The following NAALADL2 variants were observed in gnomAD, a reference collection of about 807,000 sequenced individuals.
The protein encoded by NAALADL2 is N-acetylated alpha-linked acidic dipeptidase like 2, also known as inactive N-acetylated-alpha-linked acidic dipeptidase-like protein 2.
In NAALADL2, 76 loss-of-function variants were observed where a neutral mutation model predicts 87.2. That is an observed-to-expected ratio of 0.87 (90% CI 0.72 to 1.05). NAALADL2 has a LOEUF of 1.05. Among genes scored for constraint, NAALADL2 ranks in the 50% least tolerant of loss-of-function variants. The pLI, the probability that NAALADL2 is intolerant of heterozygous loss-of-function variation, is 0.00. For synonymous variants in NAALADL2, 354 were observed against 331.0 expected, an observed-to-expected ratio of 1.07 and a Z score of -0.75; for missense variants, 1,089 against 945.8, an observed-to-expected ratio of 1.15 and a Z score of -1.99.
chr3:175,047,364 T>G (rs1033956532), intron 1 of NAALADL2, among the ~76,000 whole-genome samples: 1 of 152,200 alleles, frequency 6.6e-6, no homozygotes, highest in Non-Finnish European at 1.5e-5. Context: ...GGTTTTTGTT[T>G]AATCATGGAC....
chr3:174,871,018 T>C (rs1029410861), intron 1 of NAALADL2, among the ~76,000 whole-genome samples: 2 of 152,156 alleles, frequency 1.3e-5, no homozygotes, highest in Admixed American at 1.3e-4. Context: ...TTATTGAAGG[T>C]GATAAAGCTC....
At chr3:174,493,343 T>G (rs944647465) in intron 1 of NAALADL2, among the ~76,000 whole-genome samples, 2 of 152,150 alleles carry the variant, frequency 1.3e-5, no homozygotes, top group African/African-American at 2.4e-5. Context: ...ATAGGCATGA[T>G]TATATAAAGA....
Position 175,624,769 on chromosome 3 carries a change from A to G in NAALADL2, c.1801-2522A>G, listed in dbSNP as rs148349201. Among the ~76,000 whole-genome samples the G allele has an allele frequency of 3.7e-3, 565 of 152,148 alleles. 4 individuals are homozygous for G. Among genetic ancestry groups the G allele is most frequent in the African/African-American group, 0.013 (522 of 41,544 alleles). Reference sequence around the variant, plus strand: ...TCAAATGGATGTATTTTATTGGCATATAAGAACTTTAAGACTGAAAACATA... The same window carrying G: ...TCAAATGGATGTATTTTATTGGCATGTAAGAACTTTAAGACTGAAAACATA... On this transcript the variant is annotated intron_variant, in intron 10 of 13. Coordinates refer to ENST00000454872, the MANE Select transcript of NAALADL2 (RefSeq NM_207015.3).
intron 3 of NAALADL2, among the ~76,000 whole-genome samples, chr3:174,745,022 A>G (rs1734115226): frequency 6.6e-6 from 1 of 152,132 alleles, no homozygotes; most frequent in Admixed American, 6.6e-5. Context: ...CCATCCTAAC[A>G]TCACAACTAA....
At chr3:174,983,800 T>C (rs961897025) in intron 1 of NAALADL2, among the ~76,000 whole-genome samples, 4 of 152,178 alleles carry the variant, frequency 2.6e-5, no homozygotes, top group Non-Finnish European at 5.9e-5. Context: ...GCAATTGACT[T>C]GCATGTGAAA....
At chr3:175,581,116 T>C (rs1483314916) in intron 10 of NAALADL2, 3 of 369,052 alleles carry the variant, frequency 8.1e-6, no homozygotes, top group East Asian at 8.7e-5. Flanking sequence ...AGAAGAGTGA[T>C]GTTATCTTAC....
intron 1 of NAALADL2, among the ~76,000 whole-genome samples, chr3:175,024,200 G>T (rs1751929682): frequency 6.6e-6 from 1 of 151,922 alleles, no homozygotes; most frequent in Non-Finnish European, 1.5e-5. Flanking sequence ...TTATATTTAT[G>T]TAATTATGTA....
intron 9 of NAALADL2, among the ~76,000 whole-genome samples, chr3:175,567,012 G>T: frequency 6.6e-6 from 1 of 152,088 alleles, no homozygotes; most frequent in East Asian, 1.9e-4. Flanking sequence ...ACAATTTTAT[G>T]ATTTAGATTT....
chr3:174,861,283 G>A (rs1413802739), intron 1 of NAALADL2, among the ~76,000 whole-genome samples: 1 of 151,898 alleles, frequency 6.6e-6, no homozygotes, highest in Admixed American at 6.6e-5. Flanking sequence ...ATCAAGTGAG[G>A]GTTAAAAAGA....
At chr3:175,718,605 C>T (rs561596306) in intron 11 of NAALADL2, 33 of 1,594,064 alleles carry the variant, frequency 2.1e-5, no homozygotes, top group South Asian at 7.7e-5. Flanking sequence ...TGGCCTTCTT[C>T]GAGTTTTTCC....
intron 9 of NAALADL2, among the ~76,000 whole-genome samples, chr3:175,546,314 C>G (rs7642580): frequency 0.66 from 100,937 of 151,942 alleles, 34,171 homozygotes; most frequent in East Asian, 0.87. Context: ...CTTGAAGACA[C>G]CATACCAATG....
chr3:175,517,480 C>CAT (rs1732013120), intron 9 of NAALADL2, among the ~76,000 whole-genome samples: 1 of 152,052 alleles, frequency 6.6e-6, no homozygotes, highest in Non-Finnish European at 1.5e-5. Flanking sequence ...ATTTTTGACA[C>CAT]ATATCAATGC....
At chr3:175,257,342 A>G (rs1179591788) in intron 4 of NAALADL2, 1 of 151,474 alleles carries the variant, frequency 6.6e-6, no homozygotes, top group Admixed American at 6.6e-5. Flanking sequence ...GGCACACTCT[A>G]TTAGGAAACT....
At position 175,016,335 on chromosome 3, in the gene NAALADL2, G is replaced by T. The variant is rs577069086; in HGVS notation, c.44-80455G>T. Among the ~76,000 whole-genome samples, 3 of 149,726 alleles carry T rather than the reference G, an allele frequency of 2.0e-5. No individual in the cohort carries two copies. The South Asian group carries it at 6.3e-4, about 31-fold the overall frequency. The stretch of plus-strand genomic sequence containing the variant: ...GTATATCCATATATGAGAATATTAC[G>T]TGACTCATTACAACATTACAACAGT... On this transcript the variant is annotated intron_variant, in intron 1 of 13. Transcript: ENST00000454872.
At chr3:175,174,596 T>C (rs1735406988) in intron 2 of NAALADL2, among the ~76,000 whole-genome samples, 1 of 152,194 alleles carries the variant, frequency 6.6e-6, no homozygotes, top group Admixed American at 6.5e-5. Context: ...ATATGATATA[T>C]TTTTAAGTTT....
chr3:174,671,214 C>G (rs1197881503), intron 2 of NAALADL2, among the ~76,000 whole-genome samples: 2 of 152,018 alleles, frequency 1.3e-5, no homozygotes, highest in Non-Finnish European at 2.9e-5. Context: ...ATACACTCAA[C>G]CACATACTGT....
intron 1 of NAALADL2, among the ~76,000 whole-genome samples, chr3:175,055,683 G>A (rs1181330430): frequency 6.6e-6 from 1 of 152,140 alleles, no homozygotes; most frequent in Non-Finnish European, 1.5e-5. Flanking sequence ...TTTACATTTT[G>A]GACATATTTC....
chr3:175,109,600 G>T (rs1336798963), intron 2 of NAALADL2, among the ~76,000 whole-genome samples: 1 of 151,802 alleles, frequency 6.6e-6, no homozygotes, highest in Non-Finnish European at 1.5e-5. Context: ...GTTTACAAAG[G>T]TATCTAGGTG....
intron 11 of NAALADL2, among the ~76,000 whole-genome samples, chr3:175,709,096 TCCA>T (rs1740158631): frequency 6.6e-6 from 1 of 152,064 alleles, no homozygotes; most frequent in South Asian, 2.1e-4. Flanking sequence ...TATCAAGATC[TCCA>T]CCAGTTCTAC....
Sources: allele counts gnomAD v4.1 joint callset (sites outside exome capture counted in the v4.1 genomes callset), GRCh38; gene constraint gnomAD v4.1.1; transcripts MANE v1.5; gene names NCBI Gene and HGNC (gene_info 2026-07-23, HGNC 2026-07-21).